The following RBMS3 variants were observed in gnomAD, a reference collection of about 807,000 sequenced individuals.
RBMS3 encodes RNA binding motif single stranded interacting protein 3.
RBMS3 carries 27 observed loss-of-function variants against 66.8 expected under a neutral mutation model. The ratio of observed to expected loss-of-function variants is 0.40; its 90% CI spans 0.30 to 0.56. The LOEUF (loss-of-function observed/expected upper bound fraction) is 0.56. Ranked by LOEUF, RBMS3 falls within the 20% of genes least tolerant of loss-of-function variation. The probability of loss-of-function intolerance (pLI) is 0.40; values close to 1 mark genes in which losing one functional copy is unlikely to be tolerated. For synonymous variants in RBMS3, 188 were observed against 183.0 expected (o/e 1.03, Z -0.22); for missense variants, 513 against 549.5 (o/e 0.93, Z 0.66).
intron 3 of RBMS3, among the ~76,000 whole-genome samples, chr3:29,559,156 C>G (rs979535254): frequency 2.6e-5 from 4 of 151,816 alleles, no homozygotes; most frequent in Non-Finnish European, 5.9e-5. Flanking sequence ...TAGACTATAT[C>G]CTTATAGTTA....
chr3:29,889,289 T>A (rs2059945451), intron 8 of RBMS3, among the ~76,000 whole-genome samples: 1 of 151,606 alleles, frequency 6.6e-6, no homozygotes, highest in Non-Finnish European at 1.5e-5. Flanking sequence ...CATATAGATA[T>A]GGGTATCAGT....
intron 6 of RBMS3, among the ~76,000 whole-genome samples, chr3:29,780,319 C>CAAA (rs35102146): frequency 2.7e-5 from 4 of 146,608 alleles, no homozygotes; most frequent in Non-Finnish European, 4.5e-5. Flanking sequence ...AGTCAGATAA[C>CAAA]AAAAAAAAAA....
At chr3:29,492,992 A>G (rs1575999775) in intron 3 of RBMS3, among the ~76,000 whole-genome samples, 1 of 152,326 alleles carries the variant, frequency 6.6e-6, no homozygotes, top group South Asian at 2.1e-4. Context: ...TACAGTTGAA[A>G]CTAGTTAGTC....
chr3:29,398,257 T>A (rs945409368), intron 1 of RBMS3, among the ~76,000 whole-genome samples: 53 of 152,180 alleles, frequency 3.5e-4, no homozygotes, highest in African/African-American at 1.3e-3. Flanking sequence ...CCAGCAGTGT[T>A]ATTTCTTTAA....
At chr3:29,727,275 C>A (rs142295203) in intron 4 of RBMS3, among the ~76,000 whole-genome samples, 230 of 152,154 alleles carry the variant, frequency 1.5e-3, no homozygotes, top group African/African-American at 5.1e-3. Context: ...AGAAGAAAAC[C>A]TAGGCAATAC....
chr3:29,726,086 A>G (rs9856065), intron 4 of RBMS3, among the ~76,000 whole-genome samples: 19,802 of 152,206 alleles, frequency 0.13, 1,354 homozygotes, highest in Middle Eastern at 0.25. Context: ...TCCATCACAT[A>G]AACAGAACTA....
chr3:29,387,443 A>G (rs1004451620), intron 1 of RBMS3, among the ~76,000 whole-genome samples: 3 of 152,168 alleles, frequency 2.0e-5, no homozygotes, highest in African/African-American at 2.4e-5. Flanking sequence ...GCAAATATCA[A>G]TGGCTCTACT....
chr3:29,859,739 A>T (rs2059166482), intron 6 of RBMS3, among the ~76,000 whole-genome samples: 2 of 152,256 alleles, frequency 1.3e-5, no homozygotes, highest in Admixed American at 1.3e-4. Flanking sequence ...TTCCTTTGCC[A>T]TATGCAGGTT....
intron 1 of RBMS3, among the ~76,000 whole-genome samples, chr3:29,361,461 C>T (rs982587495): frequency 1.9e-4 from 29 of 152,326 alleles, no homozygotes; most frequent in Admixed American, 8.5e-4. Context: ...CCCAACCTTT[C>T]TCTCTGTCTG....
At chr3:29,653,870 A>G (rs1338998933) in intron 4 of RBMS3, among the ~76,000 whole-genome samples, 1 of 152,138 alleles carries the variant, frequency 6.6e-6, no homozygotes, top group Non-Finnish European at 1.5e-5. Flanking sequence ...AATGTTTTCC[A>G]TGGAGCAGAA....
At chr3:29,333,714 A>G (rs1447849826) in intron 1 of RBMS3, among the ~76,000 whole-genome samples, 2 of 152,318 alleles carry the variant, frequency 1.3e-5, no homozygotes, top group African/African-American at 2.4e-5. Context: ...GCAGCAGTGC[A>G]ATGAAGCCTC....
rs71295051 is a variant in RBMS3 at position 29,796,712 on chromosome 3, C to CTTTTTTTTTTTTTTTT, written c.637+33725_637+33740dup. Among the ~76,000 whole-genome samples the CTTTTTTTTTTTTTTTT allele has an allele frequency of 7.4e-4, 85 of 115,266 alleles. 13 individuals carry two copies. Among genetic ancestry groups the CTTTTTTTTTTTTTTTT allele is most frequent in the African/African-American group, 2.9e-3 (79 of 27,138 alleles). The allele number at this position is 115,266 out of a possible 152,430, so 75.6% of individuals were successfully genotyped here. ...TGAGAAGTAATATTTTGAAAGGAAT[C>CTTTTTTTTTTTTTTTT]TTTTTTTTTTTTTTTTTGGAGATGG... On this transcript the variant is annotated intron_variant, in intron 6 of 14. Coordinates refer to ENST00000383767, the MANE Select transcript of RBMS3 (RefSeq NM_001003793.3).
chr3:29,711,982 T>C (rs1389030779), intron 4 of RBMS3, among the ~76,000 whole-genome samples: 2 of 152,230 alleles, frequency 1.3e-5, no homozygotes, highest in East Asian at 3.9e-4. Flanking sequence ...ACTGTGCTTT[T>C]AAGTGATCAC....
chr3:29,850,454 C>T (rs1248370274), intron 6 of RBMS3, among the ~76,000 whole-genome samples: 2 of 152,126 alleles, frequency 1.3e-5, no homozygotes, highest in Non-Finnish European at 2.9e-5. Context: ...TATTTTCCTA[C>T]TGTCATCCCT....
intron 12 of RBMS3, among the ~76,000 whole-genome samples, chr3:29,984,753 C>A (rs949605347): frequency 2.0e-5 from 3 of 152,134 alleles, no homozygotes; most frequent in African/African-American, 7.2e-5. Flanking sequence ...TGCAGAACAG[C>A]AAATATTGCT....
At chr3:29,878,888 T>A (rs546300569) in intron 7 of RBMS3, among the ~76,000 whole-genome samples, 3 of 151,718 alleles carry the variant, frequency 2.0e-5, no homozygotes, top group South Asian at 4.2e-4. Flanking sequence ...CAAAAAAAAA[T>A]TTAAATAAAA....
intron 1 of RBMS3, among the ~76,000 whole-genome samples, chr3:29,378,736 G>T (rs2038614172): frequency 6.6e-6 from 1 of 152,020 alleles, no homozygotes; most frequent in Non-Finnish European, 1.5e-5. Context: ...AGATCTGATT[G>T]GGTTGTATAT....
At chr3:29,769,816 CT>C in intron 6 of RBMS3, among the ~76,000 whole-genome samples, 1 of 151,882 alleles carries the variant, frequency 6.6e-6, no homozygotes, top group South Asian at 2.1e-4. Flanking sequence ...ATGCACAGCT[CT>C]GGGTAAACAA....
At chr3:29,424,457 T>C (rs754389661) in intron 1 of RBMS3, among the ~76,000 whole-genome samples, 5 of 152,174 alleles carry the variant, frequency 3.3e-5, no homozygotes, top group Non-Finnish European at 5.9e-5. Flanking sequence ...CAGATGTGAC[T>C]ATGGTGTGGT....
Sources: gnomAD v4.1 joint callset for allele counts (sites outside exome capture counted in the v4.1 genomes callset) on GRCh38, gnomAD v4.1.1 for gene constraint, MANE v1.5 for transcripts, NCBI Gene and HGNC (gene_info 2026-07-23, HGNC 2026-07-21) for gene names.